The following ROR1 variants were observed in gnomAD, a reference collection of about 807,000 sequenced individuals.
ROR1 encodes the protein inactive tyrosine-protein kinase transmembrane receptor ROR1.
A neutral mutation model predicts 78.8 loss-of-function variants in ROR1; 19 were observed. The observed-to-expected ratio is 0.24, with a 90% CI of 0.17 to 0.35. The LOEUF (loss-of-function observed/expected upper bound fraction) is 0.35, where lower values mean the gene tolerates loss of function less well. ROR1 is among the 10% of genes least tolerant of loss of function. The pLI, the probability that ROR1 is intolerant of heterozygous loss-of-function variation, is 1.00. For synonymous variants in ROR1, 386 were observed against 433.6 expected (o/e 0.89, Z 1.36); for missense variants, 917 against 1,177.8 (o/e 0.78, Z 3.24).
intron 4 of ROR1, among the ~76,000 whole-genome samples, chr1:64,134,974 C>T (rs1649052319): frequency 6.6e-6 from 1 of 152,044 alleles, no homozygotes; most frequent in Non-Finnish European, 1.5e-5. Flanking sequence ...GTCTTGAACT[C>T]CTGACCTCAG....
At chr1:64,159,598 T>C (rs1432614942) in intron 8 of ROR1, among the ~76,000 whole-genome samples, 1 of 152,206 alleles carries the variant, frequency 6.6e-6, no homozygotes, top group Non-Finnish European at 1.5e-5. Context: ...AACCTTTTCG[T>C]TGCATAATAT....
At chr1:64,072,106 C>T (rs1212244295) in intron 4 of ROR1, among the ~76,000 whole-genome samples, 1 of 152,142 alleles carries the variant, frequency 6.6e-6, no homozygotes, top group Non-Finnish European at 1.5e-5. Flanking sequence ...GTCTTAGAGC[C>T]GAGAAACTTC....
intron 1 of ROR1, among the ~76,000 whole-genome samples, chr1:63,839,982 C>T (rs1034948219): frequency 2.0e-4 from 30 of 152,064 alleles, no homozygotes; most frequent in African/African-American, 7.0e-4. Context: ...GGAAAAACAA[C>T]CCCCAAAACT....
chr1:63,874,495 A>T (rs1645271447), intron 1 of ROR1, among the ~76,000 whole-genome samples: 1 of 152,106 alleles, frequency 6.6e-6, no homozygotes, highest in Non-Finnish European at 1.5e-5. Context: ...CCGGGTGCTG[A>T]GATGGTTGGT....
chr1:64,176,660 C>T (rs1280295873), intron 8 of ROR1, among the ~76,000 whole-genome samples: 2 of 152,144 alleles, frequency 1.3e-5, no homozygotes, highest in Non-Finnish European at 2.9e-5. Flanking sequence ...AAAGAAATGA[C>T]CATAGTGGTC....
chr1:64,072,972 A>C (rs780711023), intron 4 of ROR1, among the ~76,000 whole-genome samples: 14 of 152,188 alleles, frequency 9.2e-5, no homozygotes, highest in Non-Finnish European at 1.9e-4. Context: ...TGTGATGAAA[A>C]AACAAGATAA....
At chr1:63,854,994 A>G (rs1645139696) in intron 1 of ROR1, among the ~76,000 whole-genome samples, 1 of 152,014 alleles carries the variant, frequency 6.6e-6, no homozygotes, top group African/African-American at 2.4e-5. Context: ...ATTTATTATT[A>G]TTATTTATTT....
intron 1 of ROR1, among the ~76,000 whole-genome samples, chr1:63,965,116 A>G (rs763635921): frequency 6.6e-6 from 1 of 152,222 alleles, no homozygotes; most frequent in Non-Finnish European, 1.5e-5. Context: ...TAAGAACTCC[A>G]TGAAGTATCA....
Position 63,789,203 on chromosome 1 carries a change from A to G in ROR1, c.91+14695A>G. ...TCCAGATCTGCTGACAGGAGTTGGC[A>G]TTGGAGATTTCATTGGTTTCATTGG... On this transcript the variant is annotated intron_variant, in intron 1 of 8. Coordinates refer to ENST00000371079, the MANE Select transcript of ROR1 (RefSeq NM_005012.4). 4 of 601,174 alleles carry G rather than the reference A, an allele frequency of 6.7e-6. No homozygotes were observed. The East Asian group carries it at 1.6e-4, about 24-fold the overall frequency. The allele number at this position is 601,174 out of a possible 1,614,324, so 37.2% of individuals were successfully genotyped here. A position where few individuals can be genotyped will look rare whatever the true frequency, so the allele number is the denominator to read the frequency against.
intron 4 of ROR1, among the ~76,000 whole-genome samples, chr1:64,108,166 G>C (rs1044485423): frequency 2.6e-5 from 4 of 151,308 alleles, no homozygotes; most frequent in African/African-American, 9.7e-5. Context: ...GGAGACCAAG[G>C]TGGGTGGATG....
intron 1 of ROR1, among the ~76,000 whole-genome samples, chr1:63,925,324 C>T (rs1277630799): frequency 6.6e-6 from 1 of 151,232 alleles, no homozygotes; most frequent in African/African-American, 2.4e-5. Flanking sequence ...TCATCCATGT[C>T]CCTACAAAGG....
chr1:63,935,151 C>A (rs1468581480), intron 1 of ROR1, among the ~76,000 whole-genome samples: 2 of 151,554 alleles, frequency 1.3e-5, no homozygotes, highest in African/African-American at 4.8e-5. Context: ...CCCTCCCCTG[C>A]CAACACCACC....
At chr1:63,987,061 C>G (rs1646258725) in intron 1 of ROR1, among the ~76,000 whole-genome samples, 3 of 152,026 alleles carry the variant, frequency 2.0e-5, no homozygotes, top group South Asian at 4.2e-4. Flanking sequence ...CCTCAATTAC[C>G]CAGAATCCAT....
intron 1 of ROR1, among the ~76,000 whole-genome samples, chr1:63,924,026 C>T (rs1207645708): frequency 6.6e-6 from 1 of 152,096 alleles, no homozygotes; most frequent in African/African-American, 2.4e-5. Flanking sequence ...TCTTCCATTT[C>T]ATAAGACTAT....
Position 63,865,308 on chromosome 1 carries a change from A to G in ROR1, c.91+90800A>G, listed in dbSNP as rs530913114. Among the ~76,000 whole-genome samples, 15 of 152,344 alleles carry G rather than the reference A, an allele frequency of 9.8e-5. No homozygotes were observed. In the South Asian group the frequency reaches 2.9e-3, roughly 29 times the overall value. Reference sequence around the variant, plus strand: ...GTTAGAGAGATGATAAAATTCTATTACAAAGTAGTTTTGTCATGCTTTTGG... The same window carrying G: ...GTTAGAGAGATGATAAAATTCTATTGCAAAGTAGTTTTGTCATGCTTTTGG... On this transcript the variant is annotated intron_variant, in intron 1 of 8. Coordinates refer to ENST00000371079, the MANE Select transcript of ROR1 (RefSeq NM_005012.4).
chr1:64,022,512 G>T (rs1348022461), intron 2 of ROR1, among the ~76,000 whole-genome samples: 1 of 152,184 alleles, frequency 6.6e-6, no homozygotes, highest in Admixed American at 6.5e-5. Flanking sequence ...CTACAAAAAT[G>T]AATTTAACAT....
chr1:63,923,714 A>T (rs557834713), intron 1 of ROR1, among the ~76,000 whole-genome samples: 1 of 151,514 alleles, frequency 6.6e-6, no homozygotes, highest in African/African-American at 2.4e-5. Flanking sequence ...TATAAACCAG[A>T]TCATTCATTC....
chr1:63,818,317 G>A (rs1453104790), intron 1 of ROR1, among the ~76,000 whole-genome samples: 1 of 152,176 alleles, frequency 6.6e-6, no homozygotes, highest in Non-Finnish European at 1.5e-5. Flanking sequence ...TTTCGCAGAG[G>A]CCCTTCAGTG....
chr1:64,112,768 C>T (rs1648158396), intron 4 of ROR1, among the ~76,000 whole-genome samples: 1 of 151,856 alleles, frequency 6.6e-6, no homozygotes, highest in Non-Finnish European at 1.5e-5. Context: ...CCTGCATACC[C>T]AGTGTGCTCA....
Sources: allele counts gnomAD v4.1 joint callset (sites outside exome capture counted in the v4.1 genomes callset), GRCh38; gene constraint gnomAD v4.1.1; transcripts MANE v1.5; gene names NCBI Gene and HGNC (gene_info 2026-07-23, HGNC 2026-07-21).